Variants in C2CD5 observed in about 807,000 individuals in gnomAD.
The protein encoded by C2CD5 is C2 calcium dependent domain containing 5.
C2CD5 carries 109 observed loss-of-function variants against 130.3 expected under a neutral mutation model. The ratio of observed to expected loss-of-function variants is 0.84; its 90% CI spans 0.72 to 0.98. C2CD5 has a LOEUF of 0.98. Ranked by LOEUF, C2CD5 falls within the 50% of genes least tolerant of loss-of-function variation. The pLI is 0.00. For missense variants in C2CD5, 996 were observed against 1,261.8 expected, an observed-to-expected ratio of 0.79 and a Z score of 3.19; for synonymous variants, 454 against 429.2, an observed-to-expected ratio of 1.06 and a Z score of -0.71.
At chr12:22,480,603 T>C (rs955982700) in intron 14 of C2CD5, among the ~76,000 whole-genome samples, 1 of 152,194 alleles carries the variant, frequency 6.6e-6, no homozygotes, top group Admixed American at 6.5e-5. Flanking sequence ...AAAACGTTTG[T>C]TATAGCTAGC....
At chr12:22,488,560 A>C (rs936653655) in intron 12 of C2CD5, among the ~76,000 whole-genome samples, 1 of 152,274 alleles carries the variant, frequency 6.6e-6, no homozygotes, top group African/African-American at 2.4e-5. Context: ...CATTTGTTAA[A>C]TTAGGCTTCC....
intron 11 of C2CD5, among the ~76,000 whole-genome samples, chr12:22,492,196 A>C (rs944110482): frequency 6.6e-6 from 1 of 152,212 alleles, no homozygotes; most frequent in African/African-American, 2.4e-5. Context: ...GAATTACCTA[A>C]GAATAGATGG....
At chr12:22,504,186 AT>A (rs1948167533) in intron 10 of C2CD5, among the ~76,000 whole-genome samples, 1 of 152,032 alleles carries the variant, frequency 6.6e-6, no homozygotes, top group Non-Finnish European at 1.5e-5. Context: ...AAGTAGTGAC[AT>A]TTTAAATACA....
intron 9 of C2CD5, among the ~76,000 whole-genome samples, chr12:22,508,573 G>A (rs1358104868): frequency 2.0e-5 from 3 of 152,054 alleles, no homozygotes; most frequent in African/African-American, 7.2e-5. Context: ...AAAAATATTC[G>A]AATGGATTTA....
rs139822705 is a variant in C2CD5 at position 22,525,648 on chromosome 12, C to T, written c.407G>A (p.Arg136Gln). 8.1e-5 allele frequency: 129 copies of T among 1,588,384 alleles called. 3 individuals are homozygous for T. In the South Asian group the frequency reaches 1.0e-3, roughly 13 times the overall value. Reference sequence around the variant, plus strand: ...GACTCCACATGATGACTGCCTAAATCGATTTAAATCATTGAAGAGGTCTAC... The same window carrying T: ...GACTCCACATGATGACTGCCTAAATTGATTTAAATCATTGAAGAGGTCTAC... ...VKVDLFNDLNRFRQSSCGVKF... is the reference protein window; with the variant it reads ...VKVDLFNDLNQFRQSSCGVKF... Residue 136 changes from arginine (R) to glutamine (Q), a missense_variant, in exon 5 of 27, where the codon CGA becomes CAA. Arg to Gln is a conservative substitution (Grantham distance 43, BLOSUM62 1). Coordinates refer to ENST00000446597, the MANE Select transcript of C2CD5 (RefSeq NM_001286176.2).
At chr12:22,483,201 A>G (rs1944978737) in intron 13 of C2CD5, among the ~76,000 whole-genome samples, 2 of 152,202 alleles carry the variant, frequency 1.3e-5, no homozygotes, top group African/African-American at 4.8e-5. Flanking sequence ...TTAAAGAATC[A>G]TATTTCAATA....
At chr12:22,475,704 G>C (rs1281307990) in intron 15 of C2CD5, among the ~76,000 whole-genome samples, 1 of 152,126 alleles carries the variant, frequency 6.6e-6, no homozygotes, top group Non-Finnish European at 1.5e-5. Flanking sequence ...ATGCACCTTA[G>C]ATAAAAGACT....
chr12:22,505,644 C>T (rs772018698), intron 10 of C2CD5, among the ~76,000 whole-genome samples: 4 of 152,024 alleles, frequency 2.6e-5, no homozygotes, highest in Non-Finnish European at 4.4e-5. Context: ...GAACACATTC[C>T]ATATGGAAAG....
chr12:22,453,181 C>A (rs1342300129), intron 26 of C2CD5, among the ~76,000 whole-genome samples: 1 of 151,960 alleles, frequency 6.6e-6, no homozygotes, highest in Non-Finnish European at 1.5e-5. Flanking sequence ...AGATATTGAT[C>A]CCCTCTGCTC....
At chr12:22,491,611 C>T (rs758016742) in intron 11 of C2CD5, among the ~76,000 whole-genome samples, 17 of 152,096 alleles carry the variant, frequency 1.1e-4, no homozygotes, top group Non-Finnish European at 7.4e-5. Context: ...TGGTGGCTTA[C>T]GCCTGTAATC....
intron 12 of C2CD5, among the ~76,000 whole-genome samples, chr12:22,485,979 G>T (rs950613236): frequency 6.6e-6 from 1 of 151,694 alleles, no homozygotes; most frequent in East Asian, 1.9e-4. Context: ...AGCATTATAC[G>T]AGTCAAATGC....
At chr12:22,507,485 C>T (rs1948693864) in intron 9 of C2CD5, among the ~76,000 whole-genome samples, 1 of 152,170 alleles carries the variant, frequency 6.6e-6, no homozygotes, top group South Asian at 2.1e-4. Flanking sequence ...AATAAAATTC[C>T]ACAAGTTCTT....
Position 22,493,259 on chromosome 12 carries a change from T to C in C2CD5, c.1226A>G (p.His409Arg). The C allele has an allele frequency of 6.2e-7, 1 of 1,611,230 alleles. No homozygotes were observed. ...TGATTCACTGTAGCCCACTACAGCA[T>C]GACAGCCTAATGCTTTAGCATGTGA... is the stretch of plus-strand genomic sequence containing the variant. ...IKSHAKALGC[H>R]AVVGYSESTS... The change falls in exon 11 of 27, where the codon CAT (histidine) becomes CGT (arginine). Residue 409 changes from histidine (H) to arginine (R), a missense_variant. Coordinates refer to ENST00000446597, the MANE Select transcript of C2CD5 (RefSeq NM_001286176.2).
intron 25 of C2CD5, among the ~76,000 whole-genome samples, chr12:22,454,885 T>C (rs6487304): frequency 0.83 from 125,676 of 152,158 alleles, 53,470 homozygotes; most frequent in Non-Finnish European, 0.9. Flanking sequence ...GAATTCCATA[T>C]ATAATTGTAA....
At chr12:22,518,926 C>A (rs1950019314) in intron 7 of C2CD5, 1 of 428,794 alleles carries the variant, frequency 2.3e-6, no homozygotes. Flanking sequence ...AGAATACCTT[C>A]ACTTCCATAT....
intron 2 of C2CD5, among the ~76,000 whole-genome samples, chr12:22,543,600 G>T (rs1250787583): frequency 6.6e-6 from 1 of 152,220 alleles, no homozygotes; most frequent in African/African-American, 2.4e-5. Context: ...AAGGGTGTGT[G>T]TGTGCCTGTG....
intron 15 of C2CD5, among the ~76,000 whole-genome samples, chr12:22,476,535 G>T (rs16924995): frequency 0.02 from 3,112 of 152,150 alleles, 100 homozygotes; most frequent in African/African-American, 0.071. Context: ...TAAACTGTAT[G>T]ACACATAGTA....
Position 22,544,185 on chromosome 12 carries a change from G to A in C2CD5, c.-29-6C>T, listed in dbSNP as rs761248692. On this transcript the variant is annotated splice_polypyrimidine_tract_variant and splice_region_variant and intron_variant, in intron 1 of 26. Transcript: ENST00000446597. ...TTCGGCCTCTTCTTGGGCTCCTGCA[G>A]AAACAAACAAACGAGTCTGCGCCGA... is the stretch of plus-strand genomic sequence containing the variant. 1.2e-5 allele frequency: 19 copies of A among 1,599,920 alleles called. 1 individual carries two copies. In the South Asian group the frequency reaches 2.0e-4, roughly 17 times the overall value.
intron 9 of C2CD5, among the ~76,000 whole-genome samples, chr12:22,511,395 G>A (rs1359691448): frequency 6.6e-6 from 1 of 152,100 alleles, no homozygotes; most frequent in East Asian, 1.9e-4. Flanking sequence ...AATGGCAGTC[G>A]CAAGTGAATA....
Sources: allele counts gnomAD v4.1 joint callset (sites outside exome capture counted in the v4.1 genomes callset), GRCh38; gene constraint gnomAD v4.1.1; transcripts MANE v1.5; gene names NCBI Gene and HGNC (gene_info 2026-07-23, HGNC 2026-07-21).